DGKE: variants seen among roughly 807,000 people sequenced by gnomAD.
The protein encoded by DGKE is diacylglycerol kinase epsilon.
DGKE carries 53 observed loss-of-function variants against 70.0 expected under a neutral mutation model. That is an observed-to-expected ratio of 0.76 (90% confidence interval 0.61 to 0.95). DGKE has a LOEUF of 0.95. Ranked by LOEUF, DGKE falls within the 40% of genes least tolerant of loss-of-function variation. DGKE has a pLI of 0.00. For synonymous variants in DGKE, 291 were observed against 257.0 expected, an observed-to-expected ratio of 1.13 and a Z score of -1.27; for missense variants, 655 against 706.9, an observed-to-expected ratio of 0.93 and a Z score of 0.83.
In DGKE at chr17:56,864,605, TTA is replaced by T. The variant is rs1908457568; in HGVS notation, c.*1815_*1816del. 7.1e-6 allele frequency: 1 copy of T among 141,238 alleles called. No individual in the cohort carries two copies. Among genetic ancestry groups the T allele is most frequent in the African/African-American group, 2.5e-5 (1 of 39,838 alleles). 8.7% of individuals were successfully genotyped at this position (141,238 alleles called of 1,614,324 possible). A position where few individuals can be genotyped will look rare whatever the true frequency, so the allele number is the denominator to read the frequency against. On this transcript the variant is annotated 3_prime_UTR_variant, in exon 12 of 12. Transcript: ENST00000284061. ...TGGCAGAGTTTTGTTTTTTTTTTTT[TTA>T]ATGGGCCAATCATGTTCTGAGTATT...
rs1340558058 is a variant in DGKE at position 56,847,996 on chromosome 17, A to C, written c.819A>C (p.Arg273=). ...LCTLLPYYSA[R]VLVCGGDGTV... is the part of the protein sequence containing the mutation. ...CTCTTCTCCCATATTATTCAGCTCG[A>C]GTACTTGTTTGTGGAGGGGATGGGA... Residue 273 remains arginine (R), a synonymous_variant, in exon 5 of 12, where the codon CGA becomes CGC. Transcript: ENST00000284061. The C allele has an allele frequency of 3.1e-6, 5 of 1,610,072 alleles. No homozygotes were observed. In the South Asian group the frequency reaches 5.5e-5, roughly 18 times the overall value.
chr17:56,862,684 A>T lies in DGKE; in HGVS notation c.1597A>T (p.Thr533Ser). Reference sequence around the variant, plus strand: ...TTGGGCCCAAGGGCCCTGCACTGTCACCATAACTCACAAGACACATGCAAT... The same window carrying T: ...TTGGGCCCAAGGGCCCTGCACTGTCTCCATAACTCACAAGACACATGCAAT... ...EPWAQGPCTV[T>S]ITHKTHAMML... The change falls in exon 12 of 12, where the codon ACC becomes TCC. Residue 533 changes from threonine to serine, a missense_variant. Physicochemically the swap from Thr to Ser is moderately conservative, Grantham distance 58. Coordinates refer to ENST00000284061, the MANE Select transcript of DGKE (RefSeq NM_003647.3). 6.2e-7 allele frequency: 1 copy of T among 1,610,802 alleles called. No homozygotes were observed.
intron 5 of DGKE, among the ~76,000 whole-genome samples, chr17:56,848,326 T>C (rs2078087723): frequency 6.6e-6 from 1 of 151,912 alleles, no homozygotes; most frequent in African/African-American, 2.4e-5. Context: ...CCTGGCTAAT[T>C]TTTGTATTTT....
intron 9 of DGKE, 42 bp downstream of exon 9, chr17:56,858,707 T>A: frequency 7.1e-7 from 1 of 1,410,052 alleles, no homozygotes; most frequent in Non-Finnish European, 9.7e-7. Flanking sequence ...TTTTAGGTGG[T>A]CTCTGGATTA....
At chr17:56,853,611 G>C in intron 7 of DGKE, among the ~76,000 whole-genome samples, 1 of 152,148 alleles carries the variant, frequency 6.6e-6, no homozygotes, top group East Asian at 1.9e-4. Flanking sequence ...GTTGGCCATA[G>C]ATATGTGTAT....
rs1161305168 is a variant in DGKE, at chr17:56,864,966, A to C, written c.*2175A>C. ...TGTAATCTAGTAAGGTTTTTGCATC[A>C]CTACTGGTCTGTCATGAAGTTTTTC... On this transcript the variant is annotated 3_prime_UTR_variant, in exon 12 of 12. Coordinates refer to ENST00000284061, the MANE Select transcript of DGKE (RefSeq NM_003647.3). 6.6e-6 allele frequency: 1 copy of C among 152,126 alleles called. No homozygotes were observed. Among genetic ancestry groups the C allele is most frequent in the East Asian group, 1.9e-4 (1 of 5,204 alleles). The allele number at this position is 152,126 out of a possible 1,614,324, so 9.4% of individuals were successfully genotyped here.
At position 56,835,051 on chromosome 17, in the gene DGKE, T is replaced by G; in HGVS notation, c.256T>G (p.Phe86Val). Residue 86 changes from phenylalanine to valine, a missense_variant, in exon 2 of 12, where the codon TTC becomes GTC. Phe to Val is a conservative substitution (Grantham distance 50). Transcript: ENST00000284061. ...CGCGCAGCACATTCTGCAGGGCGCCTTCTGCGACTGCTGCGGGCTCCGCGT... is the reference window on the plus strand; with the variant it reads ...CGCGCAGCACATTCTGCAGGGCGCCGTCTGCGACTGCTGCGGGCTCCGCGT... ...VCAQHILQGA[F>V]CDCCGLRVDE... 6.2e-7 allele frequency: 1 copy of G among 1,613,132 alleles called. No homozygotes were observed.
chr17:56,835,826 G>A (rs934073824), intron 2 of DGKE: 1 of 153,528 alleles, frequency 6.5e-6, no homozygotes, highest in African/African-American at 2.4e-5. Flanking sequence ...TAGAATCTTA[G>A]ATAAGTGACC....
chr17:56,841,845 T>A (rs1906999926), intron 2 of DGKE, among the ~76,000 whole-genome samples: 1 of 152,186 alleles, frequency 6.6e-6, no homozygotes, highest in South Asian at 2.1e-4. Context: ...TGAGATGAAA[T>A]CTCACTCTGA....
chr17:56,858,554 A>G (rs1457301672), intron 8 of DGKE, 40 bp from the exon 9 acceptor site: 4 of 1,498,760 alleles, frequency 2.7e-6, no homozygotes, highest in African/African-American at 2.8e-5. Context: ...TTACAGGGTT[A>G]GATTGTTTTA....
chr17:56,860,003 A>G (rs1908197029), intron 9 of DGKE, among the ~76,000 whole-genome samples: 1 of 152,188 alleles, frequency 6.6e-6, no homozygotes, highest in Admixed American at 6.5e-5. Context: ...GTGTTATGTT[A>G]CTTTATCATA....
chr17:56,862,659 T>G lies in DGKE; in HGVS notation c.1572T>G (p.Pro524=). ...SMMPMQVDGE[P]WAQGPCTVTI... ...TGCCAATGCAGGTGGATGGGGAGCC[T>G]TGGGCCCAAGGGCCCTGCACTGTCA... Residue 524 remains proline, a synonymous_variant, in exon 12 of 12, where the codon CCT becomes CCG. Transcript: ENST00000284061. 1 of 1,591,586 alleles carries G rather than the reference T, an allele frequency of 6.3e-7. No individual in the cohort carries two copies. Among genetic ancestry groups the G allele is most frequent in the Non-Finnish European group, 8.5e-7 (1 of 1,173,720 alleles).
At chr17:56,850,672 A>G (rs1164717985) in intron 7 of DGKE, among the ~76,000 whole-genome samples, 1 of 152,206 alleles carries the variant, frequency 6.6e-6, no homozygotes, top group East Asian at 1.9e-4. Context: ...TGTGCCTCTA[A>G]AAGATCTTGT....
intron 6 of DGKE, 21 bp downstream of exon 6, chr17:56,848,874 AAGT>A (rs1907475185): frequency 6.2e-7 from 1 of 1,613,894 alleles, no homozygotes; most frequent in Non-Finnish European, 8.5e-7. Flanking sequence ...TTTCCCCAAA[AAGT>A]AGATTTCTTG....
intron 2 of DGKE, chr17:56,836,284 T>C (rs1906616066): frequency 6.6e-6 from 1 of 152,236 alleles, no homozygotes; most frequent in African/African-American, 2.4e-5. Flanking sequence ...TAAGTCTTAT[T>C]TTAAATAATT....
chr17:56,849,321 T>TA, intron 7 of DGKE, 89 bp downstream of exon 7: 1 of 1,195,684 alleles, frequency 8.4e-7, no homozygotes, highest in Non-Finnish European at 1.2e-6. Context: ...ACCTGGTGCT[T>TA]ATCTCAAGGG....
chr17:56,855,192 G>GTT lies in DGKE; in HGVS notation c.1099-1311_1099-1310dup, dbSNP rs35479127. 4.1e-3 allele frequency among the ~76,000 whole-genome samples: 607 copies of GTT among 149,464 alleles called. 1 individual carries two copies. Among genetic ancestry groups the GTT allele is most frequent in the Non-Finnish European group, 6.6e-3 (447 of 67,282 alleles). On this transcript the variant is annotated intron_variant, in intron 7 of 11. Coordinates refer to ENST00000284061, the MANE Select transcript of DGKE (RefSeq NM_003647.3). ...TTTATTTAAAATAAGGTGTTTATGGGTTTTTTTTTTAAAGAACAACTAGGA... is the reference window on the plus strand; with the variant it reads ...TTTATTTAAAATAAGGTGTTTATGGGTTTTTTTTTTTTAAAGAACAACTAGGA...
At position 56,858,659 on chromosome 17, in the gene DGKE, A is replaced by G; in HGVS notation, c.1278A>G (p.Lys426=). 1.2e-6 allele frequency: 2 copies of G among 1,601,528 alleles called. No individual in the cohort carries two copies. Among genetic ancestry groups the G allele is most frequent in the Non-Finnish European group, 8.5e-7 (1 of 1,174,202 alleles). The part of the protein sequence containing the change: ...LVQECKDLNK[K]VELELDGERV... Reference sequence around the variant, plus strand: ...AAGAATGTAAAGATTTGAATAAAAAAGTTGAGGTAAGCTATTAACACTTTT... The same window carrying G: ...AAGAATGTAAAGATTTGAATAAAAAGGTTGAGGTAAGCTATTAACACTTTT... The change falls in exon 9 of 12, where the codon AAA becomes AAG. Residue 426 remains lysine (K), a synonymous_variant. Coordinates refer to ENST00000284061, the MANE Select transcript of DGKE (RefSeq NM_003647.3).
In DGKE at chr17:56,861,796, A is replaced by T. The variant is rs1908306595; in HGVS notation, c.1290A>T (p.Glu430Asp). The T allele has an allele frequency of 6.2e-7, 1 of 1,612,528 alleles. No homozygotes were observed. Among genetic ancestry groups the T allele is most frequent in the Non-Finnish European group, 8.5e-7 (1 of 1,179,710 alleles). ...CTATTTGTATTTCTTTAAAGCTAGA[A>T]CTGGATGGTGAGCGAGTAGCACTGC... ...CKDLNKKVELELDGERVALPS... is the reference protein window; with the variant it reads ...CKDLNKKVELDLDGERVALPS... The change falls in exon 10 of 12, where the codon GAA becomes GAT. Residue 430 changes from glutamate (E) to aspartate (D), a missense_variant. Transcript: ENST00000284061.
Sources: allele counts gnomAD v4.1 joint callset (sites outside exome capture counted in the v4.1 genomes callset), GRCh38; gene constraint gnomAD v4.1.1; transcripts MANE v1.5; gene names NCBI Gene and HGNC (gene_info 2026-07-23, HGNC 2026-07-21).